Variants in ZDHHC15 observed in about 807,000 individuals in gnomAD.
The protein encoded by ZDHHC15 is palmitoyltransferase ZDHHC15.
A neutral mutation model predicts 31.7 loss-of-function variants in ZDHHC15; 19 were observed. The observed-to-expected ratio is 0.60, with a 90% confidence interval of 0.42 to 0.88. The LOEUF (loss-of-function observed/expected upper bound fraction) is 0.88. Among genes scored for constraint, ZDHHC15 ranks in the 40% least tolerant of loss-of-function variants. The pLI, the probability that ZDHHC15 is intolerant of heterozygous loss-of-function variation, is 0.00. For missense variants in ZDHHC15, 209 were observed against 251.2 expected (o/e 0.83, Z 1.14); for synonymous variants, 103 against 90.0 (o/e 1.14, Z -0.82).
rs2084647161 is a variant in ZDHHC15 at position 75,478,950 on chromosome X, A to G, written c.199T>C (p.Phe67Leu). The change falls in exon 3 of 12, where the codon TTC becomes CTC. Residue 67 changes from phenylalanine to leucine, a missense_variant. By Grantham distance (22) the Phe-to-Leu change is conservative (BLOSUM62 0). Transcript: ENST00000373367. ...YLILYHAIFV[F>L]FTWTYWKSIF... ...GACTTCCAGTAGGTCCAGGTAAAGA[A>G]CACAAAGATGGCATGGTAGAGTATG... 8.3e-7 allele frequency: 1 copy of G among 1,203,386 alleles called. No individual in the cohort carries two copies. Among genetic ancestry groups the G allele is most frequent in the Admixed American group, 2.2e-5 (1 of 45,011 alleles).
intron 3 of ZDHHC15, among the ~76,000 whole-genome samples, 170 bp from the exon 4 acceptor site, chrX:75,451,092 A>G (rs1302963228): frequency 8.9e-6 from 1 of 112,129 alleles, no homozygotes; most frequent in East Asian, 2.8e-4. Flanking sequence ...TCTGGCTTTT[A>G]TCTCAATTAT....
chrX:75,409,819 AAC>A (rs1392708978), intron 10 of ZDHHC15, among the ~76,000 whole-genome samples: 4,314 of 68,096 alleles, frequency 0.063, 730 homozygotes, highest in East Asian at 0.56. Flanking sequence ...AAAAAAAAAA[AAC>A]AACAACAACA....
At chrX:75,485,808 C>T (rs754379993) in intron 2 of ZDHHC15, among the ~76,000 whole-genome samples, 23 of 112,599 alleles carry the variant, frequency 2.0e-4, no homozygotes, top group South Asian at 1.1e-3. Context: ...TAACAACTTA[C>T]GCTAAGTTAT....
At chrX:75,504,735 A>T (rs1359552430) in intron 2 of ZDHHC15, among the ~76,000 whole-genome samples, 1 of 111,355 alleles carries the variant, frequency 9.0e-6, no homozygotes, top group Non-Finnish European at 1.9e-5. Flanking sequence ...GAAAATATTT[A>T]TATATAATTA....
chrX:75,441,373 C>T (rs1005299157), intron 4 of ZDHHC15, among the ~76,000 whole-genome samples: 2 of 111,464 alleles, frequency 1.8e-5, no homozygotes, highest in African/African-American at 3.3e-5. Context: ...CCACTGCTTC[C>T]TCTACTTTTA....
In ZDHHC15 at chrX:75,379,297, G is replaced by T; in HGVS notation, c.968-99C>A. On this transcript the variant is annotated intron_variant, in intron 10 of 11. Transcript: ENST00000373367. ...TTTCCTTCTTGTTCAATCTCTGCAGGCAACAGATACCTGCAAACCTCTAAA... is the reference window on the plus strand; with the variant it reads ...TTTCCTTCTTGTTCAATCTCTGCAGTCAACAGATACCTGCAAACCTCTAAA... 7.9e-6 allele frequency: 7 copies of T among 882,613 alleles called. No individual in the cohort carries two copies. In the South Asian group the frequency reaches 1.1e-4, roughly 14 times the overall value. 72.7% of individuals were successfully genotyped at this position (882,613 alleles called of 1,213,427 possible). A position where few individuals can be genotyped will look rare whatever the true frequency, so the allele number is the denominator to read the frequency against.
chrX:75,518,449 G>C (rs1401495830), intron 1 of ZDHHC15, among the ~76,000 whole-genome samples: 5 of 109,665 alleles, frequency 4.6e-5, no homozygotes, highest in Non-Finnish European at 9.5e-5. Flanking sequence ...CACCCAGTAA[G>C]ATGGCTATAA....
At chrX:75,497,310 C>G (rs2085016989) in intron 2 of ZDHHC15, among the ~76,000 whole-genome samples, 1 of 111,068 alleles carries the variant, frequency 9.0e-6, no homozygotes, top group South Asian at 3.7e-4. Flanking sequence ...CTGAACATCC[C>G]AATAACAAGT....
chrX:75,461,286 A>C (rs2147937038), intron 3 of ZDHHC15, among the ~76,000 whole-genome samples: 1 of 111,973 alleles, frequency 8.9e-6, no homozygotes, highest in African/African-American at 3.2e-5. Flanking sequence ...GGAATTATAT[A>C]AAGAGAGCAA....
At chrX:75,390,339 A>G (rs1316583480) in intron 10 of ZDHHC15, among the ~76,000 whole-genome samples, 1 of 111,776 alleles carries the variant, frequency 8.9e-6, no homozygotes, top group Non-Finnish European at 1.9e-5. Flanking sequence ...CAACCTGCTG[A>G]TTGTAGAGCC....
Position 75,493,300 on chromosome X carries a change from T to G in ZDHHC15, c.163+12521A>C, listed in dbSNP as rs1179919943. 6.3e-5 allele frequency among the ~76,000 whole-genome samples: 7 copies of G among 111,677 alleles called. No individual in the cohort carries two copies. In the Admixed American group the frequency reaches 6.6e-4, roughly 11 times the overall value. The stretch of plus-strand genomic sequence containing the variant: ...ATTCAGTCAATAATTAATAGCTTAC[T>G]AACCAAAAAAAGTCCAGTACAAGAT... On this transcript the variant is annotated intron_variant, in intron 2 of 11. Transcript: ENST00000373367.
intron 4 of ZDHHC15, among the ~76,000 whole-genome samples, chrX:75,446,969 A>T (rs971220489): frequency 9.0e-6 from 1 of 110,610 alleles, no homozygotes; most frequent in Non-Finnish European, 1.9e-5. Context: ...AATCAAACAG[A>T]CAGAATGACC....
chrX:75,395,547 G>A (rs1411305432), intron 10 of ZDHHC15, among the ~76,000 whole-genome samples: 1 of 111,317 alleles, frequency 9.0e-6, no homozygotes, highest in Non-Finnish European at 1.9e-5. Flanking sequence ...AATTGAATAG[G>A]AAGCAAAAAA....
At chrX:75,447,989 G>T (rs2084057278) in intron 4 of ZDHHC15, among the ~76,000 whole-genome samples, 1 of 111,272 alleles carries the variant, frequency 9.0e-6, no homozygotes, top group Non-Finnish European at 1.9e-5. Flanking sequence ...AATGGTGAGT[G>T]GTGCCACTTC....
At chrX:75,435,831 T>C (rs754399476) in intron 4 of ZDHHC15, among the ~76,000 whole-genome samples, 6 of 112,145 alleles carry the variant, frequency 5.4e-5, no homozygotes, top group Non-Finnish European at 1.1e-4. Context: ...TCCTGGTTTT[T>C]GGTACTAGGG....
At chrX:75,399,022 C>T (rs1299477941) in intron 10 of ZDHHC15, among the ~76,000 whole-genome samples, 1 of 111,991 alleles carries the variant, frequency 8.9e-6, no homozygotes, top group Non-Finnish European at 1.9e-5. Flanking sequence ...GGACAAGTTG[C>T]CATGTTTGAT....
intron 9 of ZDHHC15, 107 bp from the exon 10 acceptor site, chrX:75,417,297 A>C: frequency 8.0e-6 from 4 of 497,202 alleles, no homozygotes; most frequent in Non-Finnish European, 1.3e-5. Context: ...ATTTAGTCTC[A>C]TTGTCTAAAG....
At chrX:75,495,872 C>T (rs760623881) in intron 2 of ZDHHC15, among the ~76,000 whole-genome samples, 2 of 106,012 alleles carry the variant, frequency 1.9e-5, no homozygotes, top group Non-Finnish European at 3.9e-5. Context: ...CATGGCACAT[C>T]TATACATATG....
chrX:75,422,941 G>C (rs1420638348), intron 8 of ZDHHC15, among the ~76,000 whole-genome samples: 1 of 93,677 alleles, frequency 1.1e-5, no homozygotes, highest in African/African-American at 3.9e-5. Flanking sequence ...ATCTCCCAAT[G>C]CTATCCCTCC....
Sources: allele counts gnomAD v4.1 joint callset (sites outside exome capture counted in the v4.1 genomes callset), GRCh38; gene constraint gnomAD v4.1.1; transcripts MANE v1.5; gene names NCBI Gene and HGNC (gene_info 2026-07-23, HGNC 2026-07-21).